Variants in GRIN2B observed in about 807,000 individuals in gnomAD.
The protein encoded by GRIN2B is glutamate ionotropic receptor NMDA type subunit 2B, also known as glutamate receptor ionotropic, NMDA 2B.
Under a neutral mutation model 114.5 loss-of-function variants are expected in GRIN2B, and 5 were observed. That is an observed-to-expected ratio of 0.04 (90% CI 0.02 to 0.09). The LOEUF is 0.09. Ranked by LOEUF, GRIN2B falls within the 10% of genes least tolerant of loss-of-function variation. The pLI is 1.00. For missense variants in GRIN2B, 1,108 were observed against 1,943.5 expected, an observed-to-expected ratio of 0.57 and a Z score of 8.08; for synonymous variants, 787 against 745.1, an observed-to-expected ratio of 1.06 and a Z score of -0.92.
At chr12:13,879,735 T>C (rs1866043022) in intron 2 of GRIN2B, among the ~76,000 whole-genome samples, 2 of 152,206 alleles carry the variant, frequency 1.3e-5, no homozygotes. Flanking sequence ...GACAGGCCGG[T>C]ACAGTCAGTG....
intron 3 of GRIN2B, among the ~76,000 whole-genome samples, chr12:13,833,160 C>T (rs1362676398): frequency 6.6e-6 from 1 of 152,150 alleles, no homozygotes; most frequent in Non-Finnish European, 1.5e-5. Flanking sequence ...AAATTATCAT[C>T]CCCTGAACTG....
intron 5 of GRIN2B, among the ~76,000 whole-genome samples, chr12:13,652,163 C>G (rs1949820135): frequency 6.6e-6 from 1 of 151,826 alleles, no homozygotes; most frequent in South Asian, 2.1e-4. Context: ...CTCCTCCTAC[C>G]TCAGACTTTA....
At chr12:13,879,788 C>T (rs1274862394) in intron 2 of GRIN2B, among the ~76,000 whole-genome samples, 1 of 152,256 alleles carries the variant, frequency 6.6e-6, no homozygotes, top group Non-Finnish European at 1.5e-5. Flanking sequence ...GAGCTCCTCC[C>T]TGACATGCCG....
chr12:13,963,643 T>C (rs1313523715), intron 2 of GRIN2B, among the ~76,000 whole-genome samples: 1 of 152,166 alleles, frequency 6.6e-6, no homozygotes, highest in African/African-American at 2.4e-5. Context: ...TGAAATGCCC[T>C]ACCCAAAGTC....
chr12:13,780,486 A>G (rs570683886), intron 3 of GRIN2B, among the ~76,000 whole-genome samples: 1 of 152,328 alleles, frequency 6.6e-6, no homozygotes, highest in East Asian at 1.9e-4. Flanking sequence ...ACCACAAAGA[A>G]TAGCAGATGC....
intron 3 of GRIN2B, among the ~76,000 whole-genome samples, chr12:13,822,964 T>C (rs1366674171): frequency 6.6e-6 from 1 of 152,120 alleles, no homozygotes; most frequent in African/African-American, 2.4e-5. Flanking sequence ...ATTAAATTAC[T>C]CTGGCATTTT....
intron 4 of GRIN2B, among the ~76,000 whole-genome samples, chr12:13,733,571 A>C (rs1863124702): frequency 6.6e-6 from 1 of 152,296 alleles, no homozygotes; most frequent in African/African-American, 2.4e-5. Context: ...AAAACCTAAA[A>C]CCAATCTAAA....
chr12:13,889,169 G>C (rs754330410), intron 2 of GRIN2B, among the ~76,000 whole-genome samples: 1 of 151,756 alleles, frequency 6.6e-6, no homozygotes, highest in Non-Finnish European at 1.5e-5. Flanking sequence ...TATACATTAG[G>C]CTAGTTCTAC....
At chr12:13,734,448 C>T (rs1445744054) in intron 4 of GRIN2B, among the ~76,000 whole-genome samples, 52 of 152,176 alleles carry the variant, frequency 3.4e-4, no homozygotes, top group Non-Finnish European at 1.5e-5. Flanking sequence ...TTTATGTGCA[C>T]ATAGCAAATG....
At position 13,556,718 on chromosome 12, in the gene GRIN2B, G is replaced by A; in HGVS notation, c.*6065C>T. The A allele has an allele frequency of 6.6e-6, 1 of 152,192 alleles. No homozygotes were observed. The allele number at this position is 152,192 out of a possible 1,614,324, so 9.4% of individuals were successfully genotyped here. ...AGATTCTACACACCAGAGTGCCAAG[G>A]CTCTGAGGAATTCTACTCATCTACT... On this transcript the variant is annotated 3_prime_UTR_variant, in exon 14 of 14. Transcript: ENST00000609686.
intron 4 of GRIN2B, among the ~76,000 whole-genome samples, chr12:13,750,783 A>G (rs566706223): frequency 6.6e-6 from 1 of 152,324 alleles, no homozygotes; most frequent in East Asian, 1.9e-4. Context: ...TCCGTGTGCC[A>G]TGCACTGTGC....
At chr12:13,634,160 A>G (rs925701620) in intron 5 of GRIN2B, 1 of 152,162 alleles carries the variant, frequency 6.6e-6, no homozygotes, top group Middle Eastern at 3.2e-3. Context: ...CGTATTTACT[A>G]ATTATGTGTC....
At chr12:13,939,543 C>CTTTTTTTTT (rs59671145) in intron 2 of GRIN2B, among the ~76,000 whole-genome samples, 4 of 88,044 alleles carry the variant, frequency 4.5e-5, no homozygotes, top group East Asian at 4.0e-4. Flanking sequence ...CTGCACCGTG[C>CTTTTTTTTT]TTTTTTTTTT....
intron 2 of GRIN2B, among the ~76,000 whole-genome samples, chr12:13,954,400 T>G (rs545501841): frequency 1.8e-4 from 28 of 152,318 alleles, no homozygotes; most frequent in Admixed American, 1.3e-4. Context: ...ATCCGGTTAA[T>G]GTGGGAGCTC....
intron 3 of GRIN2B, among the ~76,000 whole-genome samples, chr12:13,800,928 T>C (rs1864499900): frequency 6.6e-6 from 1 of 152,190 alleles, no homozygotes; most frequent in African/African-American, 2.4e-5. Context: ...ATATATGTTA[T>C]TTACCTGAAA....
chr12:13,827,021 GTTT>G (rs140999042), intron 3 of GRIN2B, among the ~76,000 whole-genome samples: 1 of 143,146 alleles, frequency 7.0e-6, no homozygotes, highest in Admixed American at 6.9e-5. Context: ...TTGTTGAGAG[GTTT>G]TTTTTTTTAA....
Position 13,866,010 on chromosome 12 carries a change from G to T in GRIN2B, c.199C>A (p.Arg67=), listed in dbSNP as rs953163239. The T allele has an allele frequency of 6.2e-7, 1 of 1,613,806 alleles. No individual in the cohort carries two copies. Among genetic ancestry groups the T allele is most frequent in the African/African-American group, 1.3e-5 (1 of 74,898 alleles). The part of the protein sequence containing the change: ...DDFHHLSVVP[R]VELVAMNETD... ...TCATTCATGGCTACCAGTTCCACCC[G>T]GGGTACCACGGAGAGATGGTGGAAA... Residue 67 remains arginine, a synonymous_variant, in exon 3 of 14, where the codon CGG becomes AGG. Coordinates refer to ENST00000609686, the MANE Select transcript of GRIN2B (RefSeq NM_000834.5).
intron 3 of GRIN2B, among the ~76,000 whole-genome samples, chr12:13,771,384 G>A (rs375483354): frequency 9.2e-5 from 14 of 152,084 alleles, no homozygotes; most frequent in African/African-American, 2.4e-4. Context: ...TTAGACTTTC[G>A]TTTTGATAAA....
chr12:13,839,806 A>G (rs1181052745), intron 3 of GRIN2B, among the ~76,000 whole-genome samples: 2 of 152,242 alleles, frequency 1.3e-5, no homozygotes, highest in East Asian at 3.8e-4. Context: ...CAACAGCATC[A>G]ATTGACTATA....
Sources: allele counts gnomAD v4.1 joint callset (sites outside exome capture counted in the v4.1 genomes callset), GRCh38; gene constraint gnomAD v4.1.1; transcripts MANE v1.5; gene names NCBI Gene and HGNC (gene_info 2026-07-23, HGNC 2026-07-21).